The following COPS2 variants were observed in gnomAD, a reference collection of about 807,000 sequenced individuals.
The protein encoded by COPS2 is COP9 signalosome subunit 2.
In COPS2, 10 loss-of-function variants were observed where a neutral mutation model predicts 66.1. That is an observed-to-expected ratio of 0.15 (90% CI 0.09 to 0.26). COPS2 has a LOEUF of 0.26. Ranked by LOEUF, COPS2 falls within the 10% of genes least tolerant of loss-of-function variation. The pLI is 1.00. For missense variants in COPS2, 215 were observed against 513.3 expected, an observed-to-expected ratio of 0.42 and a Z score of 5.62; for synonymous variants, 179 against 171.3, an observed-to-expected ratio of 1.04 and a Z score of -0.35.
chr15:49,131,514 T>C (rs2141123136), intron 9 of COPS2, among the ~76,000 whole-genome samples: 1 of 151,954 alleles, frequency 6.6e-6, no homozygotes, highest in Admixed American at 6.6e-5. Context: ...GGCACCATTG[T>C]CTGCTTTATA....
intron 1 of COPS2, among the ~76,000 whole-genome samples, chr15:49,155,093 TCTC>T (rs1213170464): frequency 2.0e-4 from 30 of 152,314 alleles, no homozygotes; most frequent in African/African-American, 6.5e-4. Context: ...TTTTCTGACT[TCTC>T]CTAGCATTTC....
At chr15:49,151,191 A>C (rs1337514967) in intron 1 of COPS2, among the ~76,000 whole-genome samples, 1 of 152,148 alleles carries the variant, frequency 6.6e-6, no homozygotes, top group Admixed American at 6.5e-5. Flanking sequence ...ACCAAAGGTC[A>C]GGAGTTTGAG....
chr15:49,131,268 C>G (rs2084206414), intron 9 of COPS2, among the ~76,000 whole-genome samples: 1 of 151,924 alleles, frequency 6.6e-6, no homozygotes, highest in Non-Finnish European at 1.5e-5. Context: ...AAAGCATATC[C>G]TCTGTGTAGG....
At chr15:49,139,393 C>A in intron 4 of COPS2, 135 bp downstream of exon 4, 2 of 687,716 alleles carry the variant, frequency 2.9e-6, no homozygotes, top group Non-Finnish European at 5.0e-6. Flanking sequence ...TAGTACTTAT[C>A]ATTTTTAAAG....
At chr15:49,128,607 T>C in intron 12 of COPS2, 95 bp downstream of exon 12, 1 of 865,742 alleles carries the variant, frequency 1.2e-6, no homozygotes, top group Non-Finnish European at 1.8e-6. Context: ...GGGTGCTTTT[T>C]ATGAATAATC....
intron 1 of COPS2, among the ~76,000 whole-genome samples, chr15:49,149,553 G>C (rs1267133905): frequency 6.6e-6 from 1 of 152,094 alleles, no homozygotes; most frequent in Admixed American, 6.5e-5. Context: ...TGAGAGCCTG[G>C]GATATTACAA....
Position 49,127,763 on chromosome 15 carries a change from A to G in COPS2, c.*187T>C. On this transcript the variant is annotated 3_prime_UTR_variant, in exon 13 of 13. Transcript: ENST00000388901. ...GTATTTTGGTTTTCTTCTGGAGATT[A>G]AAGCTGTTTTTCTTGGGATAAATGC... 1 of 576,256 alleles carries G rather than the reference A, an allele frequency of 1.7e-6. No individual in the cohort carries two copies. The highest frequency in any genetic ancestry group is 2.9e-6 in the Non-Finnish European group (1 of 341,668). 35.7% of individuals were successfully genotyped at this position (576,256 alleles called of 1,614,324 possible).
intron 1 of COPS2, among the ~76,000 whole-genome samples, chr15:49,145,620 A>T (rs192537239): frequency 6.6e-6 from 1 of 152,284 alleles, no homozygotes; most frequent in East Asian, 1.9e-4. Flanking sequence ...TGTGCACTAT[A>T]CAACAGCTGT....
Position 49,145,028 on chromosome 15 carries a change from C to A in COPS2, c.105G>T (p.Gln35His). ...CTTTTAATGCTTTGGAATTATAGTA[C>A]TGATTTTCCAAATCCACATTTGGCT... ...NSEPNVDLEN[Q>H]YYNSKALKED... Residue 35 changes from glutamine (Q) to histidine (H), a missense_variant, in exon 2 of 13, where the codon CAG (glutamine) becomes CAT (histidine). This residue lies in a region of COPS2 where 90 missense variants were observed against 225.1 expected (regional missense o/e 0.40). Coordinates refer to ENST00000388901, the MANE Select transcript of COPS2 (RefSeq NM_004236.4). 6.2e-7 allele frequency: 1 copy of A among 1,605,354 alleles called. No homozygotes were observed. The highest frequency in any genetic ancestry group is 8.5e-7 in the Non-Finnish European group (1 of 1,176,572).
chr15:49,144,347 C>T (rs769679449), intron 2 of COPS2, 43 bp from the exon 3 acceptor site: 1 of 1,154,706 alleles, frequency 8.7e-7, no homozygotes, highest in African/African-American at 1.5e-5. Context: ...AATATTAACA[C>T]ATTATTTTCT....
At chr15:49,149,141 A>C (rs2084341493) in intron 1 of COPS2, among the ~76,000 whole-genome samples, 1 of 152,034 alleles carries the variant, frequency 6.6e-6, no homozygotes, top group Non-Finnish European at 1.5e-5. Context: ...AAATAAAAAA[A>C]CCCCCTAAAG....
chr15:49,128,272 G>C (rs2084183886), intron 12 of COPS2, among the ~76,000 whole-genome samples, 178 bp from the exon 13 acceptor site: 1 of 152,112 alleles, frequency 6.6e-6, no homozygotes, highest in Non-Finnish European at 1.5e-5. Context: ...ATAGAAACCA[G>C]ATTTCAGATA....
At position 49,127,521 on chromosome 15, in the gene COPS2, A is replaced by C. The variant is rs749838640; in HGVS notation, c.*429T>G. ...CAGCAAACATTTTAATTTATACATGAGAAAAGGAAGTGTTCAAAAGGGTAT... is the reference window on the plus strand; with the variant it reads ...CAGCAAACATTTTAATTTATACATGCGAAAAGGAAGTGTTCAAAAGGGTAT... On this transcript the variant is annotated 3_prime_UTR_variant, in exon 13 of 13. Coordinates refer to ENST00000388901, the MANE Select transcript of COPS2 (RefSeq NM_004236.4). 1.9e-5 allele frequency: 3 copies of C among 154,420 alleles called. No homozygotes were observed. Among genetic ancestry groups the C allele is most frequent in the Non-Finnish European group, 2.9e-5 (2 of 69,264 alleles). The allele number at this position is 154,420 out of a possible 1,614,324, so 9.6% of individuals were successfully genotyped here.
chr15:49,129,625 A>G (rs1228124230), intron 10 of COPS2, 66 bp from the exon 11 acceptor site: 4 of 701,540 alleles, frequency 5.7e-6, no homozygotes, highest in African/African-American at 3.7e-5. Context: ...ATGGATCATT[A>G]TGTACTCCTA....
Position 49,125,348 on chromosome 15 carries a change from T to A in COPS2, c.*2602A>T, listed in dbSNP as rs2084157002. 1 of 152,164 alleles carries A rather than the reference T, an allele frequency of 6.6e-6. No individual in the cohort carries two copies. Among genetic ancestry groups the A allele is most frequent in the Admixed American group, 6.5e-5 (1 of 15,276 alleles). The allele number at this position is 152,164 out of a possible 1,614,324, so 9.4% of individuals were successfully genotyped here. On this transcript the variant is annotated 3_prime_UTR_variant, in exon 13 of 13. Coordinates refer to ENST00000388901, the MANE Select transcript of COPS2 (RefSeq NM_004236.4). ...AGAGTGAGTAATGGAAATCCAGCTC[T>A]TGTAGTAGAGAGCATCTACTTGTGG...
chr15:49,142,270 T>C (rs1021677670), intron 3 of COPS2, among the ~76,000 whole-genome samples: 6 of 152,194 alleles, frequency 3.9e-5, no homozygotes, highest in South Asian at 2.1e-4. Context: ...CTTAATAACA[T>C]TTAACATGTT....
intron 1 of COPS2, among the ~76,000 whole-genome samples, chr15:49,153,126 T>C (rs1566887435): frequency 6.6e-6 from 1 of 152,050 alleles, no homozygotes; most frequent in South Asian, 2.1e-4. Flanking sequence ...AAATGCAATT[T>C]CTCAAGAGAT....
At chr15:49,133,247 C>G (rs2084227293) in intron 9 of COPS2, among the ~76,000 whole-genome samples, 1 of 152,190 alleles carries the variant, frequency 6.6e-6, no homozygotes, top group Non-Finnish European at 1.5e-5. Flanking sequence ...CTTGGCCTCC[C>G]AAAGTGCTGG....
rs559322686 is a variant in COPS2, at chr15:49,133,116, G to A, written c.947+643C>T. Among the ~76,000 whole-genome samples, 4 of 151,438 alleles carry A rather than the reference G, an allele frequency of 2.6e-5. No homozygotes were observed. In the South Asian group the frequency reaches 8.3e-4, roughly 32 times the overall value. On this transcript the variant is annotated intron_variant, in intron 9 of 12. Transcript: ENST00000388901. ...CCATTCTCCTGCCTCAGCCTCCCGA[G>A]TAGCTGAGACTACAGGCGCCTGCCA...
Sources: allele counts gnomAD v4.1 joint callset (sites outside exome capture counted in the v4.1 genomes callset), GRCh38; gene constraint gnomAD v4.1.1; regional missense constraint gnomAD v4.1.1; transcripts MANE v1.5; gene names NCBI Gene and HGNC (gene_info 2026-07-23, HGNC 2026-07-21).